LOXHD1: variants seen among roughly 807,000 people sequenced by gnomAD.
The protein encoded by LOXHD1 is lipoxygenase homology domain-containing protein 1.
LOXHD1 carries 205 observed loss-of-function variants against 248.2 expected under a neutral mutation model. The ratio of observed to expected loss-of-function variants is 0.83; its 90% CI spans 0.74 to 0.93. The LOEUF is 0.93. Ranked by LOEUF, LOXHD1 falls within the 40% of genes least tolerant of loss-of-function variation. The pLI is 0.00. For synonymous variants in LOXHD1, 1,113 were observed against 1,162.8 expected (o/e 0.96, Z 0.87); for missense variants, 2,930 against 2,971.6 (o/e 0.99, Z 0.33).
At chr18:46,559,416 C>T (rs749726997) in intron 20 of LOXHD1, 32 bp downstream of exon 20, 3 of 1,551,888 alleles carry the variant, frequency 1.9e-6, no homozygotes, top group South Asian at 2.4e-5. Context: ...AACCCACAGC[C>T]CCCACCCAGG....
At chr18:46,540,485 G>C (rs1049248090) in intron 25 of LOXHD1, among the ~76,000 whole-genome samples, 4 of 152,090 alleles carry the variant, frequency 2.6e-5, no homozygotes, top group Non-Finnish European at 5.9e-5. Flanking sequence ...CCAAGACTTG[G>C]AAAGCCTTGA....
At chr18:46,646,026 T>C (rs967149720) in intron 2 of LOXHD1, among the ~76,000 whole-genome samples, 1 of 152,206 alleles carries the variant, frequency 6.6e-6, no homozygotes, top group African/African-American at 2.4e-5. Context: ...ATTGCTGCAG[T>C]GTGAACTCTC....
intron 35 of LOXHD1, 88 bp downstream of exon 35, chr18:46,509,610 C>T (rs1028062684): frequency 2.1e-6 from 2 of 956,306 alleles, no homozygotes; most frequent in East Asian, 5.2e-5. Context: ...GACATTTGTG[C>T]TTTAACAAGG....
At chr18:46,532,264 G>C (rs34175594) in intron 28 of LOXHD1, among the ~76,000 whole-genome samples, 28,201 of 152,146 alleles carry the variant, frequency 0.19, 2,818 homozygotes, top group African/African-American at 0.24. Context: ...AAATGAATTT[G>C]ACTTTGAAAC....
At position 46,564,709 on chromosome 18, in the gene LOXHD1, C is replaced by T. The variant is rs145486224; in HGVS notation, c.2438-1484G>A. Among the ~76,000 whole-genome samples the T allele has an allele frequency of 8.7e-3, 1,327 of 152,146 alleles. 24 individuals are homozygous for T. Among genetic ancestry groups the T allele is most frequent in the African/African-American group, 0.029 (1,220 of 41,486 alleles). ...TTATCTTTATCTTCTTGATTAGTAT[C>T]TATACTACTCTGATGGAATTCCAGT... is the stretch of plus-strand genomic sequence containing the variant. On this transcript the variant is annotated intron_variant, in intron 17 of 40. Transcript: ENST00000642948.
rs147499265 is a variant in LOXHD1, at chr18:46,612,499, T to C, written c.611-1575A>G. The stretch of plus-strand genomic sequence containing the variant: ...TGAGAATATGTTCATGAATATATTT[T>C]GGCCATTTAGGCTTTTCTCTTCTGT... On this transcript the variant is annotated intron_variant, in intron 5 of 40. Transcript: ENST00000642948. Among the ~76,000 whole-genome samples, 874 of 152,304 alleles carry C rather than the reference T, an allele frequency of 5.7e-3. 11 individuals are homozygous for C. Among genetic ancestry groups the C allele is most frequent in the African/African-American group, 0.02 (833 of 41,584 alleles).
Position 46,557,842 on chromosome 18 carries a change from C to T in LOXHD1, c.3217-353G>A, listed in dbSNP as rs543368912. The stretch of plus-strand genomic sequence containing the variant: ...CAAGAGAGGGGGGTGCACTGAAACC[C>T]TCTGCAATGTGTGCAGGTGTGTGCA... On this transcript the variant is annotated intron_variant, in intron 20 of 40. Transcript: ENST00000642948. 1.6e-5 allele frequency: 21 copies of T among 1,291,630 alleles called. No individual in the cohort carries two copies. The South Asian group carries it at 3.1e-4, about 19-fold the overall frequency. 80.0% of individuals were successfully genotyped at this position (1,291,630 alleles called of 1,614,324 possible).
At chr18:46,587,694 G>A (rs1395312633) in intron 12 of LOXHD1, among the ~76,000 whole-genome samples, 1 of 152,200 alleles carries the variant, frequency 6.6e-6, no homozygotes, top group Non-Finnish European at 1.5e-5. Context: ...GAGAAGCTAC[G>A]ATTTTCTGCA....
intron 14 of LOXHD1, among the ~76,000 whole-genome samples, chr18:46,575,715 C>G (rs1201235713): frequency 6.6e-6 from 1 of 152,114 alleles, no homozygotes; most frequent in Non-Finnish European, 1.5e-5. Context: ...GACTTCTGGC[C>G]TCCGAAACTG....
rs1260106134 is a variant in LOXHD1 at position 46,560,189 on chromosome 18, C to T, written c.2955G>A (p.Glu985=). ...EEEEFGPGMQ[E]VIEQHKFEAH... is the part of the protein sequence containing the mutation. ...CTTCGAACTTGTGCTGCTCAATCAC[C>T]TCCTGCATCCCCGGCCCAAACTCCT... Residue 985 remains glutamate (E), a synonymous_variant, in exon 19 of 41, where the codon GAG becomes GAA. Transcript: ENST00000642948. 5.2e-6 allele frequency: 8 copies of T among 1,551,810 alleles called. No individual in the cohort carries two copies. Among genetic ancestry groups the T allele is most frequent in the Admixed American group, 2.0e-5 (1 of 51,008 alleles).
At chr18:46,605,482 C>T (rs1053772101) in intron 6 of LOXHD1, among the ~76,000 whole-genome samples, 1 of 152,002 alleles carries the variant, frequency 6.6e-6, no homozygotes, top group Non-Finnish European at 1.5e-5. Context: ...CCACTGTACT[C>T]CAGTCTGGGC....
At chr18:46,653,514 T>A (rs55871400) in intron 1 of LOXHD1, among the ~76,000 whole-genome samples, 3,226 of 152,320 alleles carry the variant, frequency 0.021, 112 homozygotes, top group African/African-American at 0.074. Context: ...AGAAGACAGA[T>A]ACCTTGTGGA....
At chr18:46,645,435 T>C (rs2039016952) in intron 2 of LOXHD1, among the ~76,000 whole-genome samples, 1 of 152,230 alleles carries the variant, frequency 6.6e-6, no homozygotes, top group African/African-American at 2.4e-5. Context: ...ATGCCAGGCA[T>C]TCTCTGACAC....
intron 19 of LOXHD1, 35 bp downstream of exon 19, chr18:46,560,048 T>TGGCTGG: frequency 1.6e-6 from 2 of 1,226,296 alleles, no homozygotes; most frequent in Non-Finnish European, 2.3e-6. Flanking sequence ...GTCTGGCCAC[T>TGGCTGG]CCCTCCCCAC....
At chr18:46,618,877 C>T (rs573278979) in intron 4 of LOXHD1, among the ~76,000 whole-genome samples, 7 of 152,318 alleles carry the variant, frequency 4.6e-5, no homozygotes, top group African/African-American at 1.4e-4. Flanking sequence ...GGCTGGCATG[C>T]TTAGGGCTCT....
intron 40 of LOXHD1, among the ~76,000 whole-genome samples, chr18:46,478,540 G>C (rs2032243188): frequency 6.6e-6 from 1 of 152,136 alleles, no homozygotes; most frequent in Non-Finnish European, 1.5e-5. Flanking sequence ...ATCCTATTGA[G>C]AGGTAAGCCC....
At chr18:46,648,310 G>C (rs328177) in intron 2 of LOXHD1, among the ~76,000 whole-genome samples, 1 of 151,824 alleles carries the variant, frequency 6.6e-6, no homozygotes, top group Non-Finnish European at 1.5e-5. Context: ...AAAAAAAAAC[G>C]TGGGGTTTAA....
At chr18:46,571,999 G>A (rs978836990) in intron 15 of LOXHD1, 87 bp downstream of exon 15, 8 of 1,142,668 alleles carry the variant, frequency 7.0e-6, no homozygotes, top group South Asian at 6.8e-5. Flanking sequence ...AACATGAAGT[G>A]CTCGTGTTTT....
chr18:46,508,174 C>A (rs553117554), intron 35 of LOXHD1, among the ~76,000 whole-genome samples: 1 of 152,096 alleles, frequency 6.6e-6, no homozygotes, highest in Non-Finnish European at 1.5e-5. Flanking sequence ...GAGCCTGAGG[C>A]GATGCAGGAC....
Sources: allele counts gnomAD v4.1 joint callset (sites outside exome capture counted in the v4.1 genomes callset), GRCh38; gene constraint gnomAD v4.1.1; transcripts MANE v1.5; gene names NCBI Gene and HGNC (gene_info 2026-07-23, HGNC 2026-07-21).